Variants in AFF2 observed in about 807,000 individuals in gnomAD.
AFF2 encodes the protein ALF transcription elongation factor 2, also known as AF4/FMR2 family member 2.
Under a neutral mutation model 76.9 loss-of-function variants are expected in AFF2, and 14 were observed. The observed-to-expected ratio is 0.18, with a 90% CI of 0.12 to 0.28. The LOEUF (loss-of-function observed/expected upper bound fraction) is 0.28. Ranked by LOEUF, AFF2 falls within the 10% of genes least tolerant of loss-of-function variation. The pLI is 1.00. For missense variants in AFF2, 868 were observed against 1,001.1 expected (o/e 0.87, Z 1.79); for synonymous variants, 398 against 366.7 (o/e 1.09, Z -0.98).
chrX:148,833,492 C>T (rs1569556019), intron 4 of AFF2, among the ~76,000 whole-genome samples: 1 of 109,546 alleles, frequency 9.1e-6, no homozygotes, highest in Non-Finnish European at 1.9e-5. Flanking sequence ...GTCCCAGCTA[C>T]TTGGGAGGCT....
chrX:148,742,381 C>T (rs782617007), intron 3 of AFF2, among the ~76,000 whole-genome samples: 2 of 112,233 alleles, frequency 1.8e-5, no homozygotes, highest in Non-Finnish European at 3.8e-5. Context: ...TGGACCTACC[C>T]ATGTTTGTTA....
At chrX:148,662,841 T>G in intron 3 of AFF2, 73 bp downstream of exon 3, 6 of 1,059,061 alleles carry the variant, frequency 5.7e-6, no homozygotes, top group Non-Finnish European at 7.6e-6. Flanking sequence ...TAATCCAGTA[T>G]TCACAAGCAG....
intron 7 of AFF2, among the ~76,000 whole-genome samples, chrX:148,868,478 G>T (rs1287574607): frequency 2.7e-5 from 3 of 112,099 alleles, no homozygotes; most frequent in African/African-American, 9.7e-5. Context: ...GGACAGACTG[G>T]AGAAAGGTAT....
chrX:148,592,753 G>T (rs1603252881), intron 1 of AFF2, among the ~76,000 whole-genome samples: 1 of 111,815 alleles, frequency 8.9e-6, no homozygotes, highest in Non-Finnish European at 1.9e-5. Flanking sequence ...GCTTGATGGG[G>T]TTAGGCCCTG....
chrX:148,939,089 G>A (rs781807431), intron 9 of AFF2, among the ~76,000 whole-genome samples: 1 of 111,775 alleles, frequency 8.9e-6, no homozygotes, highest in South Asian at 3.8e-4. Context: ...AGAAGGAAGA[G>A]GAGGAGCAGG....
intron 3 of AFF2, among the ~76,000 whole-genome samples, chrX:148,707,047 T>C (rs982798074): frequency 4.2e-4 from 47 of 111,827 alleles, no homozygotes; most frequent in African/African-American, 1.5e-3. Flanking sequence ...GATTGAATGG[T>C]TTGAATTTGT....
At chrX:148,916,437 C>G (rs1032119812) in intron 9 of AFF2, among the ~76,000 whole-genome samples, 1 of 108,909 alleles carries the variant, frequency 9.2e-6, no homozygotes, top group Admixed American at 9.8e-5. Flanking sequence ...GTCTCGATCT[C>G]CTGACCTCGT....
intron 3 of AFF2, among the ~76,000 whole-genome samples, chrX:148,785,995 A>G (rs368938652): frequency 8.9e-6 from 1 of 111,837 alleles, no homozygotes; most frequent in East Asian, 2.8e-4. Flanking sequence ...CCAATGTAAC[A>G]TAGGGATAAT....
At chrX:148,511,859 A>G (rs2052486127) in intron 1 of AFF2, among the ~76,000 whole-genome samples, 1 of 112,638 alleles carries the variant, frequency 8.9e-6, no homozygotes, top group African/African-American at 3.2e-5. Flanking sequence ...TTTGTTGGGT[A>G]CCTTCAATGT....
chrX:148,559,089 T>G (rs191455597), intron 1 of AFF2, among the ~76,000 whole-genome samples: 1 of 111,360 alleles, frequency 9.0e-6, no homozygotes, highest in East Asian at 2.8e-4. Flanking sequence ...CCTGTTCTAG[T>G]TGACTAGTTG....
intron 12 of AFF2, among the ~76,000 whole-genome samples, chrX:148,961,875 A>G (rs889830503): frequency 4.4e-5 from 5 of 112,696 alleles, no homozygotes; most frequent in Non-Finnish European, 7.5e-5. Flanking sequence ...TGATTAGTCT[A>G]AGACAGTAAC....
chrX:148,958,752 A>G (rs2072072572), intron 12 of AFF2, among the ~76,000 whole-genome samples: 1 of 111,160 alleles, frequency 9.0e-6, no homozygotes, highest in African/African-American at 3.3e-5. Context: ...GCACTCAGTG[A>G]AGGGTAAAAG....
At chrX:148,843,552 A>G (rs1395488531) in intron 7 of AFF2, 119 bp downstream of exon 7, 1 of 595,496 alleles carries the variant, frequency 1.7e-6, no homozygotes, top group African/African-American at 2.3e-5. Flanking sequence ...ACCTTGACTC[A>G]TAATAATATG....
At chrX:148,573,436 G>A (rs782698198) in intron 1 of AFF2, among the ~76,000 whole-genome samples, 4 of 111,269 alleles carry the variant, frequency 3.6e-5, no homozygotes, top group African/African-American at 6.5e-5. Context: ...TATAGTTTCC[G>A]GATATTGTGA....
At chrX:148,934,254 A>G (rs953485185) in intron 9 of AFF2, among the ~76,000 whole-genome samples, 3 of 112,137 alleles carry the variant, frequency 2.7e-5, no homozygotes, top group Non-Finnish European at 5.6e-5. Flanking sequence ...TCCACCATCA[A>G]AGTAAAATGG....
chrX:148,631,288 A>G (rs1427151958), intron 1 of AFF2, among the ~76,000 whole-genome samples: 1 of 112,142 alleles, frequency 8.9e-6, no homozygotes, highest in South Asian at 3.7e-4. Context: ...AATTACATCT[A>G]TAGAAAAGGA....
chrX:148,643,301 G>T (rs2054108021), intron 1 of AFF2, among the ~76,000 whole-genome samples: 1 of 111,731 alleles, frequency 9.0e-6, no homozygotes, highest in African/African-American at 3.3e-5. Context: ...GAATACATTT[G>T]CTATATTCAC....
At chrX:148,511,372 G>A (rs1457812625) in intron 1 of AFF2, among the ~76,000 whole-genome samples, 1 of 111,824 alleles carries the variant, frequency 8.9e-6, no homozygotes, top group Admixed American at 9.5e-5. Context: ...TTGTAACGTT[G>A]TCTCCTCTTA....
rs781856074 is a variant in AFF2, at chrX:148,644,900, A to G, written c.48-7099A>G. ...TGCCCTGAGCCTGGAGATTTATAAA[A>G]TCTTCTCTGGATGATTCTGATAGGC... On this transcript the variant is annotated intron_variant, in intron 1 of 20. Coordinates refer to ENST00000370460, the MANE Select transcript of AFF2 (RefSeq NM_002025.4). 3.6e-5 allele frequency among the ~76,000 whole-genome samples: 4 copies of G among 112,278 alleles called. No individual in the cohort carries two copies. In the East Asian group the frequency reaches 1.1e-3, roughly 31 times the overall value.
Sources: allele counts gnomAD v4.1 joint callset (sites outside exome capture counted in the v4.1 genomes callset), GRCh38; gene constraint gnomAD v4.1.1; transcripts MANE v1.5; gene names NCBI Gene and HGNC (gene_info 2026-07-23, HGNC 2026-07-21).